The following ATXN2 variants were observed in gnomAD, a reference collection of about 807,000 sequenced individuals.
ATXN2 encodes the protein ataxin 2.
ATXN2 carries 37 observed loss-of-function variants against 138.6 expected under a neutral mutation model. The observed-to-expected ratio is 0.27, with a 90% CI of 0.21 to 0.35. The LOEUF (loss-of-function observed/expected upper bound fraction) is 0.35, where lower values mean the gene tolerates loss of function less well. Among genes scored for constraint, ATXN2 ranks in the 10% least tolerant of loss-of-function variants. The pLI is 1.00. For missense variants in ATXN2, 1,216 were observed against 1,480.3 expected (o/e 0.82, Z 2.93); for synonymous variants, 549 against 543.7 (o/e 1.01, Z -0.13).
intron 1 of ATXN2, among the ~76,000 whole-genome samples, chr12:111,594,689 TAGA>T (rs745569890): frequency 6.2e-4 from 95 of 152,238 alleles, no homozygotes; most frequent in African/African-American, 1.3e-3. Flanking sequence ...GAAGGGAATG[TAGA>T]AGAAGAAGAG....
chr12:111,464,289 TAAAC>T (rs1875819559), intron 21 of ATXN2, among the ~76,000 whole-genome samples: 1 of 148,846 alleles, frequency 6.7e-6, no homozygotes, highest in East Asian at 2.0e-4. Context: ...TGTGTATAAA[TAAAC>T]ATTTTAAATT....
Position 111,594,382 on chromosome 12 carries a change from A to G in ATXN2, c.251+4402T>C, listed in dbSNP as rs187182061. On this transcript the variant is annotated intron_variant, in intron 1 of 24. Coordinates refer to ENST00000673436, the MANE Select transcript of ATXN2 (RefSeq NM_001372574.1). ...GAGATAGAGTCTCACTCTGTCTCCC[A>G]GGCTGGAGTGCAGTGGCACAATCTC... Among the ~76,000 whole-genome samples, 78 of 151,652 alleles carry G rather than the reference A, an allele frequency of 5.1e-4. 1 individual carries two copies. The highest frequency in any genetic ancestry group is 4.0e-3 in the Admixed American group (61 of 15,156).
chr12:111,507,126 T>A (rs1178687422), intron 14 of ATXN2, among the ~76,000 whole-genome samples: 1 of 143,664 alleles, frequency 7.0e-6, no homozygotes, highest in African/African-American at 2.6e-5. Flanking sequence ...TGGCCACCCA[T>A]CGTCTGGGAT....
intron 1 of ATXN2, chr12:111,581,392 TC>T (rs1480509803): frequency 1.4e-6 from 1 of 694,106 alleles, no homozygotes; most frequent in African/African-American, 1.8e-5. Context: ...AACCACAATG[TC>T]CAAACCTCTT....
At chr12:111,500,478 AG>A (rs1438965243) in intron 14 of ATXN2, among the ~76,000 whole-genome samples, 1 of 152,240 alleles carries the variant, frequency 6.6e-6, no homozygotes, top group Non-Finnish European at 1.5e-5. Context: ...GGGGAGAAGA[AG>A]GGAAATGAGG....
chr12:111,547,295 C>T (rs1640259726), intron 5 of ATXN2, among the ~76,000 whole-genome samples: 1 of 152,136 alleles, frequency 6.6e-6, no homozygotes, highest in African/African-American at 2.4e-5. Context: ...GGCATGGTGG[C>T]AGACGCCTAT....
rs1455926763 is a variant in ATXN2 at position 111,490,080 on chromosome 12, C to T, written c.1936-1300G>A. Among the ~76,000 whole-genome samples the T allele has an allele frequency of 4.0e-5, 6 of 151,500 alleles. No homozygotes were observed. The East Asian group carries it at 1.2e-3, about 29-fold the overall frequency. On this transcript the variant is annotated intron_variant, in intron 14 of 24. Transcript: ENST00000673436. ...AAAATTAGCCAGGCGTGATGGCACA[C>T]GTGTAAATCCCAGCTACTTGGGAGG...
chr12:111,564,025 C>T (rs994779919), intron 1 of ATXN2, among the ~76,000 whole-genome samples: 9 of 152,128 alleles, frequency 5.9e-5, no homozygotes, highest in Non-Finnish European at 1.0e-4. Flanking sequence ...GGGGTCATAG[C>T]CCCACATTAG....
At chr12:111,503,037 C>T (rs970706144) in intron 14 of ATXN2, among the ~76,000 whole-genome samples, 4 of 152,148 alleles carry the variant, frequency 2.6e-5, no homozygotes, top group African/African-American at 9.7e-5. Context: ...ACCTCTAAAA[C>T]CCACATTATT....
chr12:111,495,530 C>T (rs759758242), intron 14 of ATXN2, among the ~76,000 whole-genome samples: 7 of 152,030 alleles, frequency 4.6e-5, no homozygotes, highest in African/African-American at 7.2e-5. Flanking sequence ...GGGATCAATT[C>T]GGCAAGAGGT....
chr12:111,509,561 C>A lies in ATXN2; in HGVS notation c.1923G>T (p.Lys641Asn). 1 of 1,461,916 alleles carries A rather than the reference C, an allele frequency of 6.8e-7. No individual in the cohort carries two copies. Among genetic ancestry groups the A allele is most frequent in the South Asian group, 1.2e-5 (1 of 83,276 alleles). 90.6% of individuals were successfully genotyped at this position (1,461,916 alleles called of 1,614,324 possible). ...RKQIDDLKKF[K>N]NDFRLQPSST... Reference sequence around the variant, plus strand: ...GTACAATACTTACCCTAAAATCATTCTTAAATTTCTTTAAATCATCAATCT... The same window carrying A: ...GTACAATACTTACCCTAAAATCATTATTAAATTTCTTTAAATCATCAATCT... Residue 641 changes from lysine (K) to asparagine (N), a missense_variant, in exon 14 of 25, where the codon AAG becomes AAT. Lys to Asn is a moderately conservative substitution (Grantham distance 94, BLOSUM62 0). Transcript: ENST00000673436.
intron 20 of ATXN2, among the ~76,000 whole-genome samples, chr12:111,466,874 A>G (rs1223926747): frequency 1.3e-5 from 2 of 152,070 alleles, no homozygotes; most frequent in Non-Finnish European, 2.9e-5. Flanking sequence ...TACTCAAAGT[A>G]TTTGGTTCCT....
chr12:111,588,405 T>C (rs901573017), intron 1 of ATXN2, among the ~76,000 whole-genome samples: 2 of 152,004 alleles, frequency 1.3e-5, no homozygotes, highest in Non-Finnish European at 2.9e-5. Context: ...GGTGGATCAC[T>C]TGAGGCCAGA....
intron 1 of ATXN2, among the ~76,000 whole-genome samples, chr12:111,581,981 C>A (rs576203855): frequency 1.3e-5 from 2 of 151,688 alleles, no homozygotes; most frequent in South Asian, 4.2e-4. Flanking sequence ...GCCATTCCAA[C>A]TCCAAATGCG....
At chr12:111,481,889 T>C (rs1454248640) in intron 18 of ATXN2, among the ~76,000 whole-genome samples, 2 of 152,010 alleles carry the variant, frequency 1.3e-5, no homozygotes, top group Admixed American at 1.3e-4. Flanking sequence ...CTCAAACTCC[T>C]GACCTCAAGT....
At chr12:111,510,223 T>C (rs1879422839) in intron 12 of ATXN2, among the ~76,000 whole-genome samples, 162 bp downstream of exon 12, 2 of 152,232 alleles carry the variant, frequency 1.3e-5, no homozygotes, top group Admixed American at 1.3e-4. Flanking sequence ...TATATTAAAT[T>C]AGTAGTATTA....
chr12:111,476,342 T>C (rs1465186576), intron 18 of ATXN2, among the ~76,000 whole-genome samples: 2 of 152,054 alleles, frequency 1.3e-5, no homozygotes, highest in Non-Finnish European at 2.9e-5. Context: ...CTCTGCAAAT[T>C]AGGAACTGAA....
In ATXN2 at chr12:111,470,089, C is replaced by T; in HGVS notation, c.2842+19G>A. ...GAAGAGTCACACACACTGGAAGAGACAAACAAAGTGCTTCCTACCATACAT... is the reference window on the plus strand; with the variant it reads ...GAAGAGTCACACACACTGGAAGAGATAAACAAAGTGCTTCCTACCATACAT... On this transcript the variant is annotated intron_variant, in intron 20 of 24. Coordinates refer to ENST00000673436, the MANE Select transcript of ATXN2 (RefSeq NM_001372574.1). 6.2e-7 allele frequency: 1 copy of T among 1,610,932 alleles called. No individual in the cohort carries two copies. Among genetic ancestry groups the T allele is most frequent in the East Asian group, 2.2e-5 (1 of 44,840 alleles).
At chr12:111,574,259 G>C (rs1257314250) in intron 1 of ATXN2, among the ~76,000 whole-genome samples, 1 of 122,386 alleles carries the variant, frequency 8.2e-6, no homozygotes, top group Non-Finnish European at 1.6e-5. Context: ...AGTGAGCCAA[G>C]ATCGCACCAC....
Sources: allele counts gnomAD v4.1 joint callset (sites outside exome capture counted in the v4.1 genomes callset), GRCh38; gene constraint gnomAD v4.1.1; transcripts MANE v1.5; gene names NCBI Gene and HGNC (gene_info 2026-07-23, HGNC 2026-07-21).